GALNT13: variants seen among roughly 807,000 people sequenced by gnomAD.
GALNT13 encodes the protein polypeptide N-acetylgalactosaminyltransferase 13.
A neutral mutation model predicts 64.2 loss-of-function variants in GALNT13; 28 were observed. The ratio of observed to expected loss-of-function variants is 0.44; its 90% CI spans 0.32 to 0.60. The LOEUF is 0.60. Among genes scored for constraint, GALNT13 ranks in the 20% least tolerant of loss-of-function variants. The pLI, the probability that GALNT13 is intolerant of heterozygous loss-of-function variation, is 0.05. For missense variants in GALNT13, 577 were observed against 669.8 expected (o/e 0.86, Z 1.53); for synonymous variants, 214 against 224.6 (o/e 0.95, Z 0.42).
At chr2:153,486,575 G>A in the GALNT13 span, among the ~76,000 whole-genome samples, 3 of 152,002 alleles carry the variant, frequency 2.0e-5, no homozygotes, top group Non-Finnish European at 2.9e-5. Flanking sequence ...GTGAAATAAC[G>A]TTGTGAGTAG....
chr2:153,482,256 G>C, the GALNT13 span, among the ~76,000 whole-genome samples: 1 of 152,092 alleles, frequency 6.6e-6, no homozygotes, highest in African/African-American at 2.4e-5. Flanking sequence ...AAATGGCTAG[G>C]GGGTAGGTGC....
intron 2 of GALNT13, among the ~76,000 whole-genome samples, chr2:153,920,364 CA>C (rs1212214535): frequency 6.6e-6 from 1 of 151,910 alleles, no homozygotes; most frequent in Non-Finnish European, 1.5e-5. Flanking sequence ...ACAAAGCTAA[CA>C]AAAACAAGCA....
the GALNT13 span, among the ~76,000 whole-genome samples, chr2:153,395,091 C>G: frequency 2.0e-5 from 3 of 152,152 alleles, no homozygotes; most frequent in Admixed American, 2.0e-4. Flanking sequence ...CGTGGGGCCT[C>G]CTTTGGAGCT....
In GALNT13 at chr2:154,434,969, T is replaced by C. The variant is rs138847698; in HGVS notation, c.1396-3623T>C. ...AAGGTAGTGTTCAATTAATGTTAACTTTCTCCCTGTTTCCTCTTTTATAAT... is the reference window on the plus strand; with the variant it reads ...AAGGTAGTGTTCAATTAATGTTAACCTTCTCCCTGTTTCCTCTTTTATAAT... On this transcript the variant is annotated intron_variant, in intron 11 of 12. Transcript: ENST00000392825. 5.9e-5 allele frequency among the ~76,000 whole-genome samples: 9 copies of C among 152,302 alleles called. No homozygotes were observed. The East Asian group carries it at 1.7e-3, about 29-fold the overall frequency.
chr2:154,139,621 A>AACACACAC (rs59526662), intron 3 of GALNT13, among the ~76,000 whole-genome samples: 3,036 of 147,486 alleles, frequency 0.021, 40 homozygotes, highest in Middle Eastern at 0.036. Context: ...ATGTGTAGGC[A>AACACACAC]ACACACACAC....
At chr2:153,988,059 T>C (rs920660754) in intron 3 of GALNT13, among the ~76,000 whole-genome samples, 12 of 108,290 alleles carry the variant, frequency 1.1e-4, no homozygotes, top group African/African-American at 3.1e-4. Flanking sequence ...GGAGGTGACA[T>C]ATATATATAT....
chr2:153,960,872 T>C (rs1209120085), intron 3 of GALNT13, among the ~76,000 whole-genome samples: 1 of 152,206 alleles, frequency 6.6e-6, no homozygotes, highest in African/African-American at 2.4e-5. Context: ...TGAAGTTTTA[T>C]TCATTAATTA....
the GALNT13 span, among the ~76,000 whole-genome samples, chr2:153,211,134 C>CTTTT: frequency 6.8e-6 from 1 of 147,652 alleles, no homozygotes; most frequent in Non-Finnish European, 1.5e-5. Context: ...ATTGACAAAC[C>CTTTT]TTTTTTTTTT....
At chr2:153,404,663 G>T in the GALNT13 span, among the ~76,000 whole-genome samples, 2,322 of 152,176 alleles carry the variant, frequency 0.015, 54 homozygotes, top group African/African-American at 0.053. Flanking sequence ...TTGCAATTAT[G>T]TGACGGATAC....
At chr2:153,076,991 G>A in the GALNT13 span, among the ~76,000 whole-genome samples, 1 of 150,570 alleles carries the variant, frequency 6.6e-6, no homozygotes, top group East Asian at 2.0e-4. Flanking sequence ...TTGCTCTTTT[G>A]CCCAGGCTGT....
At chr2:153,301,346 A>G in the GALNT13 span, among the ~76,000 whole-genome samples, 11 of 149,702 alleles carry the variant, frequency 7.3e-5, no homozygotes, top group African/African-American at 2.2e-4. Flanking sequence ...TGCAGAACTC[A>G]CAAGATTTCC....
chr2:153,178,860 C>A, the GALNT13 span, among the ~76,000 whole-genome samples: 1 of 143,200 alleles, frequency 7.0e-6, no homozygotes, highest in Non-Finnish European at 1.5e-5. Flanking sequence ...CTCAGTCTCC[C>A]GAGTAGCTGG....
chr2:154,150,387 C>G (rs755539332), intron 4 of GALNT13, among the ~76,000 whole-genome samples: 1 of 152,212 alleles, frequency 6.6e-6, no homozygotes, highest in Non-Finnish European at 1.5e-5. Flanking sequence ...GTCTAAAATT[C>G]TCTTTTTTGG....
chr2:154,352,516 T>C (rs550811647), intron 9 of GALNT13, among the ~76,000 whole-genome samples: 12 of 152,352 alleles, frequency 7.9e-5, no homozygotes, highest in South Asian at 6.2e-4. Context: ...GTAGGTACTT[T>C]TATTACTCCC....
At chr2:153,102,234 C>T in the GALNT13 span, among the ~76,000 whole-genome samples, 2 of 152,042 alleles carry the variant, frequency 1.3e-5, no homozygotes, top group South Asian at 2.1e-4. Context: ...CTCTTTGTTT[C>T]TCTGTCTCTC....
At chr2:153,444,097 C>A in the GALNT13 span, among the ~76,000 whole-genome samples, 1 of 152,150 alleles carries the variant, frequency 6.6e-6, no homozygotes, top group Non-Finnish European at 1.5e-5. Flanking sequence ...TCTGTCCATT[C>A]ATCCATCCAT....
At chr2:153,814,849 GT>G in the GALNT13 span, among the ~76,000 whole-genome samples, 1 of 152,122 alleles carries the variant, frequency 6.6e-6, no homozygotes, top group South Asian at 2.1e-4. Flanking sequence ...CTAAAACACA[GT>G]TTTGCTCATT....
the GALNT13 span, among the ~76,000 whole-genome samples, chr2:153,566,118 T>C: frequency 6.6e-6 from 1 of 152,116 alleles, no homozygotes; most frequent in Admixed American, 6.5e-5. Flanking sequence ...GCATGATAAA[T>C]AGAAAATTCA....
At chr2:154,083,388 T>G (rs1407676247) in intron 3 of GALNT13, among the ~76,000 whole-genome samples, 1 of 151,896 alleles carries the variant, frequency 6.6e-6, no homozygotes, top group Non-Finnish European at 1.5e-5. Flanking sequence ...TTGTCTTGGC[T>G]GTATGGGCTC....
Sources: gnomAD v4.1 joint callset for allele counts (sites outside exome capture counted in the v4.1 genomes callset) on GRCh38, gnomAD v4.1.1 for gene constraint, MANE v1.5 for transcripts, NCBI Gene and HGNC (gene_info 2026-07-23, HGNC 2026-07-21) for gene names.